OLFM1: variants seen among roughly 807,000 people sequenced by gnomAD.
OLFM1 encodes the protein noelin.
Under a neutral mutation model 49.7 loss-of-function variants are expected in OLFM1, and 9 were observed. The observed-to-expected ratio is 0.18, with a 90% CI of 0.11 to 0.32. The LOEUF (loss-of-function observed/expected upper bound fraction) is 0.32, where lower values mean the gene tolerates loss of function less well. OLFM1 is among the 10% of genes least tolerant of loss of function. The pLI is 1.00. For missense variants in OLFM1, 369 were observed against 661.8 expected, an observed-to-expected ratio of 0.56 and a Z score of 4.85; for synonymous variants, 240 against 271.8, an observed-to-expected ratio of 0.88 and a Z score of 1.15.
upstream of OLFM1, chr9:135,087,222 T>C: frequency 7.1e-7 from 1 of 1,402,820 alleles, no homozygotes; most frequent in Non-Finnish European, 9.2e-7. Context: ...CCCTGCCTGC[T>C]GGGTTTCAGG....
chr9:135,087,743 G>T lies in OLFM1; in HGVS notation c.-247G>T. 1 of 408,294 alleles carries T rather than the reference G, an allele frequency of 2.4e-6. No homozygotes were observed. Among genetic ancestry groups the T allele is most frequent in the Non-Finnish European group, 3.3e-6 (1 of 304,602 alleles). 25.3% of individuals were successfully genotyped at this position (408,294 alleles called of 1,614,324 possible). A position where few individuals can be genotyped will look rare whatever the true frequency, so the allele number is the denominator to read the frequency against. On this transcript the variant is annotated 5_prime_UTR_variant, in exon 1 of 6. Coordinates refer to ENST00000371793, the MANE Select transcript of OLFM1 (RefSeq NM_001282611.2). ...GCCGGGCAAGGCAGGGCGCAGGGCG[G>T]GCGGCGCGAGGCGCAGGGCGCGGCG...
chr9:135,095,248 G>T (rs1830772493), intron 2 of OLFM1: 2 of 152,226 alleles, frequency 1.3e-5, no homozygotes. Flanking sequence ...ATCTACCTAT[G>T]ATACTGTGGG....
At chr9:135,085,020 C>A (rs565135913), upstream of OLFM1, among the ~76,000 whole-genome samples, 5 of 152,332 alleles carry the variant, frequency 3.3e-5, no homozygotes, top group African/African-American at 9.6e-5. Context: ...CTCACACTTG[C>A]GTCTTCTGAG....
intron 1 of OLFM1, chr9:135,076,045 C>A: frequency 6.9e-7 from 1 of 1,450,750 alleles, no homozygotes; most frequent in East Asian, 2.6e-5. Flanking sequence ...ACAGCTGCCC[C>A]CTTTTTCCTA....
At chr9:135,114,123 C>CTT (rs138372395) in intron 5 of OLFM1, among the ~76,000 whole-genome samples, 775 of 75,826 alleles carry the variant, frequency 0.01, 150 homozygotes, top group African/African-American at 0.034. Flanking sequence ...TCTTGAGATT[C>CTT]TTTTTTTTTT....
chr9:135,077,171 C>T (rs1464697353), intron 1 of OLFM1: 2 of 1,544,426 alleles, frequency 1.3e-6, no homozygotes, highest in Non-Finnish European at 8.7e-7. Context: ...CACACACATG[C>T]ACACACAGGG....
At position 135,119,861 on chromosome 9, in the gene OLFM1, A is replaced by C; in HGVS notation, c.1141A>C (p.Arg381=). 2 of 1,613,692 alleles carry C rather than the reference A, an allele frequency of 1.2e-6. No individual in the cohort carries two copies. Among genetic ancestry groups the C allele is most frequent in the Non-Finnish European group, 1.7e-6 (2 of 1,180,030 alleles). Residue 381 remains arginine (R), a synonymous_variant, in exon 6 of 6, where the codon AGG becomes CGG. Coordinates refer to ENST00000371793, the MANE Select transcript of OLFM1 (RefSeq NM_001282611.2). ...GAACGCTGGCAACATCGTGGTCAGTAGGCTGGACCCCGTGTCCCTGCAGAC... is the reference window on the plus strand; with the variant it reads ...GAACGCTGGCAACATCGTGGTCAGTCGGCTGGACCCCGTGTCCCTGCAGAC... The part of the protein sequence containing the change: ...NQNAGNIVVS[R]LDPVSLQTLQ...
At chr9:135,101,349 C>T (rs983663835) in intron 4 of OLFM1, among the ~76,000 whole-genome samples, 44 of 152,294 alleles carry the variant, frequency 2.9e-4, no homozygotes, top group Admixed American at 2.0e-4. Flanking sequence ...GGGTTCCCTT[C>T]CTGCAGTAAG....
rs777083601 is a variant in OLFM1 at position 135,098,551 on chromosome 9, C to T, written c.676+46C>T. ...GACGTGGCGCTGCACTGCCCACCTCCGGCACACGCACAGGCTTAGGGAGTG... is the reference window on the plus strand; with the variant it reads ...GACGTGGCGCTGCACTGCCCACCTCTGGCACACGCACAGGCTTAGGGAGTG... On this transcript the variant is annotated intron_variant, in intron 4 of 5. Coordinates refer to ENST00000371793, the MANE Select transcript of OLFM1 (RefSeq NM_001282611.2). This position sits in a 1 kb window ranked among gnomAD's most constrained non-coding sequence, Gnocchi z 5.6. 2.6e-6 allele frequency: 4 copies of T among 1,531,216 alleles called. No homozygotes were observed. The highest frequency in any genetic ancestry group is 1.4e-5 in the African/African-American group (1 of 73,152). 94.9% of individuals were successfully genotyped at this position (1,531,216 alleles called of 1,614,324 possible). A position where few individuals can be genotyped will look rare whatever the true frequency, so the allele number is the denominator to read the frequency against.
Position 135,076,614 on chromosome 9 carries a change from C to A in OLFM1, c.96+812C>A, listed in dbSNP as rs1027011589. On this transcript the variant is annotated intron_variant, in intron 1 of 5. Transcript: ENST00000252854. The stretch of plus-strand genomic sequence containing the variant: ...GCACTATGGTGCTCGGAAGAGCCTG[C>A]CAGCCGAGGGAGCCGGGCTGCTTGG... The A allele has an allele frequency of 5.6e-6, 6 of 1,074,532 alleles. No homozygotes were observed. The African/African-American group carries it at 9.6e-5, about 17-fold the overall frequency. The allele number at this position is 1,074,532 out of a possible 1,614,324, so 66.6% of individuals were successfully genotyped here.
upstream of OLFM1, chr9:135,086,601 G>A: frequency 2.2e-6 from 1 of 456,094 alleles, no homozygotes; most frequent in South Asian, 1.5e-5. Flanking sequence ...GGCTGGGAAA[G>A]CTTAATGGAA....
At chr9:135,087,264 C>T, upstream of OLFM1, 1 of 1,454,878 alleles carries the variant, frequency 6.9e-7, no homozygotes, top group Non-Finnish European at 9.0e-7. Flanking sequence ...ACCCTCGAAT[C>T]ACCGCGGAAA....
chr9:135,117,486 G>A lies in OLFM1; in HGVS notation c.784-2018G>A, dbSNP rs1222430396. ...GAGCGTGGTGTCTTGTTGGGATATG[G>A]GAGCTGGCCCGCCCCGGTGACTTTG... On this transcript the variant is annotated intron_variant, in intron 5 of 5. Coordinates refer to ENST00000371793, the MANE Select transcript of OLFM1 (RefSeq NM_001282611.2). This position sits in a 1 kb window ranked among gnomAD's most constrained non-coding sequence, Gnocchi z 5.5. 6.6e-6 allele frequency among the ~76,000 whole-genome samples: 1 copy of A among 152,210 alleles called. No individual in the cohort carries two copies. The highest frequency in any genetic ancestry group is 1.5e-5 in the Non-Finnish European group (1 of 68,034).
chr9:135,101,683 G>A (rs965942801), intron 4 of OLFM1, among the ~76,000 whole-genome samples: 6 of 152,326 alleles, frequency 3.9e-5, no homozygotes, highest in East Asian at 1.9e-4. Flanking sequence ...CCCTGGCCTC[G>A]TCCCCTGAGC....
exon 1 of OLFM1, chr9:135,075,564 C>T (rs923971247): frequency 4.1e-6 from 2 of 484,862 alleles, no homozygotes; most frequent in East Asian, 3.8e-5. Context: ...GCAGCAGAGC[C>T]CGCGCGCCGC....
Position 135,113,297 on chromosome 9 carries a change from C to T in OLFM1, c.784-6207C>T, listed in dbSNP as rs1327239686. 6.6e-6 allele frequency among the ~76,000 whole-genome samples: 1 copy of T among 152,100 alleles called. No individual in the cohort carries two copies. The highest frequency in any genetic ancestry group is 2.4e-5 in the African/African-American group (1 of 41,414). On this transcript the variant is annotated intron_variant, in intron 5 of 5. Coordinates refer to ENST00000371793, the MANE Select transcript of OLFM1 (RefSeq NM_001282611.2). This position sits in a 1 kb window ranked among gnomAD's most constrained non-coding sequence, Gnocchi z 4.0. ...CGGTTTTCAGATGGGCTGACCCTAC[C>T]GCCACGTCCCCACAGGTGGTCTTAT...
chr9:135,116,603 C>T (rs192435659), intron 5 of OLFM1, among the ~76,000 whole-genome samples: 42 of 152,112 alleles, frequency 2.8e-4, no homozygotes, highest in Non-Finnish European at 3.1e-4. Context: ...CTGTGTGCTG[C>T]GATGGCAGGG....
At chr9:135,109,012 C>T (rs753959829) in intron 5 of OLFM1, among the ~76,000 whole-genome samples, 4 of 152,152 alleles carry the variant, frequency 2.6e-5, no homozygotes, top group South Asian at 2.1e-4. Flanking sequence ...CACAAACCCA[C>T]GCTGACCACA....
chr9:135,082,370 G>A (rs1455499990), intron 1 of OLFM1, among the ~76,000 whole-genome samples: 1 of 149,302 alleles, frequency 6.7e-6, no homozygotes, highest in African/African-American at 2.5e-5. Context: ...CCCTGCCGCG[G>A]GGATTTCCCT....
Sources: gnomAD v4.1 joint callset for allele counts (sites outside exome capture counted in the v4.1 genomes callset) on GRCh38, gnomAD v4.1.1 for gene constraint, Gnocchi (gnomAD v3.1) non-coding constraint, MANE v1.5 for transcripts, NCBI Gene and HGNC (gene_info 2026-07-23, HGNC 2026-07-21) for gene names.